HS6ST3: variants seen among roughly 807,000 people sequenced by gnomAD.
HS6ST3 encodes heparan-sulfate 6-O-sulfotransferase 3.
Under a neutral mutation model 36.7 loss-of-function variants are expected in HS6ST3, and 12 were observed. That is an observed-to-expected ratio of 0.33 (90% CI 0.21 to 0.53). HS6ST3 has a LOEUF of 0.53. Among genes scored for constraint, HS6ST3 ranks in the 20% least tolerant of loss-of-function variants. The pLI, the probability that HS6ST3 is intolerant of heterozygous loss-of-function variation, is 0.95. For synonymous variants in HS6ST3, 240 were observed against 257.5 expected (o/e 0.93, Z 0.65); for missense variants, 584 against 640.9 (o/e 0.91, Z 0.96).
chr13:96,646,015 C>A (rs2139009512), intron 1 of HS6ST3, among the ~76,000 whole-genome samples: 1 of 151,332 alleles, frequency 6.6e-6, no homozygotes. Context: ...AGATGAAATT[C>A]AATAGACTTA....
At chr13:96,313,148 C>A (rs1188914174) in intron 1 of HS6ST3, among the ~76,000 whole-genome samples, 1 of 151,946 alleles carries the variant, frequency 6.6e-6, no homozygotes, top group East Asian at 1.9e-4. Context: ...TTACTGGAAG[C>A]TGGCAACTGC....
At chr13:96,218,530 A>G (rs1391776850) in intron 1 of HS6ST3, among the ~76,000 whole-genome samples, 1 of 152,194 alleles carries the variant, frequency 6.6e-6, no homozygotes, top group Non-Finnish European at 1.5e-5. Flanking sequence ...GCCAGTTACC[A>G]AGAGTCAGGA....
chr13:96,336,125 T>G (rs1251639671), intron 1 of HS6ST3, among the ~76,000 whole-genome samples: 1 of 152,210 alleles, frequency 6.6e-6, no homozygotes, highest in Non-Finnish European at 1.5e-5. Context: ...TATTTTTTGT[T>G]GAAATACTCC....
chr13:96,245,076 A>T (rs964537500), intron 1 of HS6ST3, among the ~76,000 whole-genome samples: 27 of 152,204 alleles, frequency 1.8e-4, no homozygotes, highest in African/African-American at 6.5e-4. Context: ...CAACTGTGGC[A>T]CTCATTTTGT....
chr13:96,460,136 C>G (rs1241293271), intron 1 of HS6ST3, among the ~76,000 whole-genome samples: 1 of 152,150 alleles, frequency 6.6e-6, no homozygotes, highest in East Asian at 1.9e-4. Context: ...AAACCAACTT[C>G]CATGAAAGAG....
At chr13:96,325,666 T>A (rs2055027243) in intron 1 of HS6ST3, among the ~76,000 whole-genome samples, 1 of 152,142 alleles carries the variant, frequency 6.6e-6, no homozygotes. Flanking sequence ...TCTGGAACCA[T>A]CCCTCATGGG....
chr13:96,423,346 C>G (rs189097206), intron 1 of HS6ST3, among the ~76,000 whole-genome samples: 1 of 151,946 alleles, frequency 6.6e-6, no homozygotes, highest in East Asian at 1.9e-4. Flanking sequence ...AAAAAAGTTT[C>G]TTTCCTTGGT....
At chr13:96,324,089 A>T (rs78220922) in intron 1 of HS6ST3, among the ~76,000 whole-genome samples, 3,828 of 152,260 alleles carry the variant, frequency 0.025, 163 homozygotes, top group African/African-American at 0.089. Flanking sequence ...GCTGGCCATG[A>T]ACATTTGCAG....
intron 1 of HS6ST3, among the ~76,000 whole-genome samples, chr13:96,183,202 C>CG (rs967398051): frequency 2.6e-4 from 39 of 151,414 alleles, no homozygotes; most frequent in African/African-American, 5.8e-4. Flanking sequence ...TTTTTTTTGG[C>CG]GGGGGGGAAG....
Position 96,558,085 on chromosome 13 carries a change from A to G in HS6ST3, c.708-274405A>G, listed in dbSNP as rs560512622. On this transcript the variant is annotated intron_variant, in intron 1 of 1. Transcript: ENST00000376705. Reference sequence around the variant, plus strand: ...GTTTTTCTTTAAATTCTTCTTTTTGATTCTCTTTAGCCTTTACCTTTTTGC... The same window carrying G: ...GTTTTTCTTTAAATTCTTCTTTTTGGTTCTCTTTAGCCTTTACCTTTTTGC... Among the ~76,000 whole-genome samples, 6 of 152,072 alleles carry G rather than the reference A, an allele frequency of 3.9e-5. No individual in the cohort carries two copies. The South Asian group carries it at 1.2e-3, about 32-fold the overall frequency.
intron 1 of HS6ST3, among the ~76,000 whole-genome samples, chr13:96,243,194 C>CA (rs1362680705): frequency 6.6e-6 from 1 of 152,230 alleles, no homozygotes; most frequent in Non-Finnish European, 1.5e-5. Flanking sequence ...TTGGACTAAA[C>CA]ACCTTTGAAG....
intron 1 of HS6ST3, among the ~76,000 whole-genome samples, chr13:96,355,644 G>A (rs999170417): frequency 2.6e-5 from 4 of 152,076 alleles, no homozygotes; most frequent in Admixed American, 6.6e-5. Flanking sequence ...TATCATCTGA[G>A]CCTTCCATGA....
At chr13:96,624,451 A>T (rs1371789269) in intron 1 of HS6ST3, among the ~76,000 whole-genome samples, 2 of 152,056 alleles carry the variant, frequency 1.3e-5, no homozygotes, top group African/African-American at 4.8e-5. Flanking sequence ...CATTTTTTTC[A>T]ATTTTTATTT....
chr13:96,305,245 G>A (rs978701074), intron 1 of HS6ST3, among the ~76,000 whole-genome samples: 1 of 151,922 alleles, frequency 6.6e-6, no homozygotes, highest in Non-Finnish European at 1.5e-5. Flanking sequence ...ATTCATAATT[G>A]CTTGATATAT....
intron 1 of HS6ST3, among the ~76,000 whole-genome samples, chr13:96,788,272 C>T (rs1273800423): frequency 3.3e-5 from 5 of 151,906 alleles, no homozygotes; most frequent in African/African-American, 1.2e-4. Flanking sequence ...ATCTATGAGA[C>T]ATCCTCCTGA....
chr13:96,786,621 G>A (rs56704791), intron 1 of HS6ST3, among the ~76,000 whole-genome samples: 13,041 of 152,212 alleles, frequency 0.086, 649 homozygotes, highest in Non-Finnish European at 0.12. Flanking sequence ...ACAGTTATCT[G>A]TATAGGCAAA....
intron 1 of HS6ST3, among the ~76,000 whole-genome samples, chr13:96,224,153 C>T (rs1031832116): frequency 1.1e-4 from 16 of 152,038 alleles, no homozygotes; most frequent in African/African-American, 3.9e-4. Context: ...TTCTAATTTC[C>T]GAGTCAGGAT....
At chr13:96,113,122 A>G (rs2053878471) in intron 1 of HS6ST3, among the ~76,000 whole-genome samples, 1 of 152,120 alleles carries the variant, frequency 6.6e-6, no homozygotes, top group Non-Finnish European at 1.5e-5. Context: ...CTAGACCTCA[A>G]GCCTGTTTAT....
At chr13:96,479,270 T>C (rs974328547) in intron 1 of HS6ST3, among the ~76,000 whole-genome samples, 3 of 152,150 alleles carry the variant, frequency 2.0e-5, no homozygotes, top group African/African-American at 7.2e-5. Flanking sequence ...TTCAGGAAGA[T>C]GGAACAGTGA....
Sources: allele counts gnomAD v4.1 joint callset (sites outside exome capture counted in the v4.1 genomes callset), GRCh38; gene constraint gnomAD v4.1.1; transcripts MANE v1.5; gene names NCBI Gene and HGNC (gene_info 2026-07-23, HGNC 2026-07-21).